ABHD17C: variants seen among roughly 807,000 people sequenced by gnomAD.
ABHD17C encodes abhydrolase domain containing 17C, depalmitoylase, also known as alpha/beta hydrolase domain-containing protein 17C.
Under a neutral mutation model 27.9 loss-of-function variants are expected in ABHD17C, and 11 were observed. The observed-to-expected ratio is 0.39, with a 90% CI of 0.25 to 0.65. ABHD17C has a LOEUF of 0.65. Ranked by LOEUF, ABHD17C falls within the 30% of genes least tolerant of loss-of-function variation. The pLI is 0.45. For synonymous variants in ABHD17C, 233 were observed against 209.1 expected (o/e 1.11, Z -0.98); for missense variants, 280 against 470.2 (o/e 0.60, Z 3.74).
At chr15:80,712,269 G>A (rs1282559920) in intron 1 of ABHD17C, among the ~76,000 whole-genome samples, 1 of 152,202 alleles carries the variant, frequency 6.6e-6, no homozygotes, top group Admixed American at 6.5e-5. Context: ...CACTGTAAGA[G>A]GTAGGATTTG....
chr15:80,722,424 C>T (rs535642791), intron 1 of ABHD17C, among the ~76,000 whole-genome samples: 3 of 150,692 alleles, frequency 2.0e-5, no homozygotes, highest in Non-Finnish European at 4.4e-5. Context: ...ATACAAAAAG[C>T]TGTAGATATT....
At chr15:80,707,904 A>G (rs1316873957) in intron 1 of ABHD17C, among the ~76,000 whole-genome samples, 3 of 152,232 alleles carry the variant, frequency 2.0e-5, no homozygotes, top group Non-Finnish European at 4.4e-5. Context: ...AACCCTAAAA[A>G]GGCTAAGAAG....
At chr15:80,715,801 A>G (rs1218480531) in intron 1 of ABHD17C, among the ~76,000 whole-genome samples, 1 of 152,188 alleles carries the variant, frequency 6.6e-6, no homozygotes, top group Non-Finnish European at 1.5e-5. Context: ...TCAGTTGCCC[A>G]GATTAACTTG....
intron 2 of ABHD17C, among the ~76,000 whole-genome samples, chr15:80,751,371 A>G (rs1895364416): frequency 6.6e-6 from 1 of 152,142 alleles, no homozygotes; most frequent in African/African-American, 2.4e-5. Context: ...AAAGGAAAAA[A>G]AAAAGATGTT....
chr15:80,749,669 A>C lies in ABHD17C; in HGVS notation c.747A>C (p.Thr249=), dbSNP rs748189199. 5.6e-6 allele frequency: 9 copies of C among 1,613,976 alleles called. No individual in the cohort carries two copies. The highest frequency in any genetic ancestry group is 7.6e-6 in the Non-Finnish European group (9 of 1,179,858). ...TGGCTTTTCCGGATACCAGGAAAAC[A>C]TACTGCTTTGATGCTTTCCCCAGGT... ...LRVAFPDTRK[T]YCFDAFPSID... is the part of the protein sequence containing the mutation. The change falls in exon 2 of 3, where the codon ACA becomes ACC. Residue 249 remains threonine, a synonymous_variant. Transcript: ENST00000258884.
intron 1 of ABHD17C, among the ~76,000 whole-genome samples, chr15:80,740,416 G>A (rs1300660806): frequency 6.6e-6 from 1 of 152,072 alleles, no homozygotes; most frequent in Non-Finnish European, 1.5e-5. Flanking sequence ...AGTAGTAGGA[G>A]AATACATCAA....
At chr15:80,722,577 C>A (rs541014929) in intron 1 of ABHD17C, among the ~76,000 whole-genome samples, 10 of 151,466 alleles carry the variant, frequency 6.6e-5, no homozygotes, top group African/African-American at 2.4e-4. Flanking sequence ...GGTAAGAGCA[C>A]TTTACATGAG....
rs190900537 is a variant in ABHD17C at position 80,745,782 on chromosome 15, A to G, written c.591-3731A>G. ...ACCGCCTGTACCCCCAAAACTATTG[A>G]AATAAAAATATGAATCTTAGTGTCC... On this transcript the variant is annotated intron_variant, in intron 1 of 2. Coordinates refer to ENST00000258884, the MANE Select transcript of ABHD17C (RefSeq NM_021214.2). Among the ~76,000 whole-genome samples, 344 of 152,310 alleles carry G rather than the reference A, an allele frequency of 2.3e-3. 4 individuals carry two copies. The highest frequency in any genetic ancestry group is 7.8e-3 in the African/African-American group (326 of 41,556).
chr15:80,735,230 T>C (rs1362534893), intron 1 of ABHD17C, among the ~76,000 whole-genome samples: 1 of 152,210 alleles, frequency 6.6e-6, no homozygotes, highest in Non-Finnish European at 1.5e-5. Flanking sequence ...CTTATTAGCA[T>C]GTTCCAAAGT....
At chr15:80,713,354 C>CTTTTTTTTT (rs67320992) in intron 1 of ABHD17C, among the ~76,000 whole-genome samples, 1,069 of 43,864 alleles carry the variant, frequency 0.024, 238 homozygotes, top group South Asian at 0.047. Context: ...AGGTCTTGTT[C>CTTTTTTTTT]TTTTTTTTTT....
At chr15:80,732,447 GTTTCC>G (rs1895069790) in intron 1 of ABHD17C, among the ~76,000 whole-genome samples, 1 of 152,122 alleles carries the variant, frequency 6.6e-6, no homozygotes, top group Non-Finnish European at 1.5e-5. Context: ...CAGAGCTTTA[GTTTCC>G]TTCTCTATGA....
rs147096890 is a variant in ABHD17C at position 80,725,186 on chromosome 15, C to T, written c.591-24327C>T. Among the ~76,000 whole-genome samples the T allele has an allele frequency of 5.9e-5, 9 of 152,290 alleles. No individual in the cohort carries two copies. The East Asian group carries it at 7.7e-4, about 13-fold the overall frequency. ...TCCAGTCTTACAGAGAATATAACAACGAATACAACCTCATGAACCAAAATT... is the reference window on the plus strand; with the variant it reads ...TCCAGTCTTACAGAGAATATAACAATGAATACAACCTCATGAACCAAAATT... On this transcript the variant is annotated intron_variant, in intron 1 of 2. Coordinates refer to ENST00000258884, the MANE Select transcript of ABHD17C (RefSeq NM_021214.2).
chr15:80,738,437 A>T (rs904758949), intron 1 of ABHD17C, among the ~76,000 whole-genome samples: 2 of 152,134 alleles, frequency 1.3e-5, no homozygotes, highest in African/African-American at 4.8e-5. Context: ...GATGTTCATC[A>T]TTGGGCAAAC....
At chr15:80,707,562 G>GC (rs35340795) in intron 1 of ABHD17C, among the ~76,000 whole-genome samples, 18,864 of 150,832 alleles carry the variant, frequency 0.13, 1,255 homozygotes, top group East Asian at 0.17. Flanking sequence ...TAGCTGATGA[G>GC]CCCCCCCTCA....
intron 1 of ABHD17C, among the ~76,000 whole-genome samples, chr15:80,709,227 G>C (rs575734734): frequency 6.6e-6 from 1 of 151,548 alleles, no homozygotes; most frequent in Non-Finnish European, 1.5e-5. Context: ...AGTGGCTCAC[G>C]CCTATAATCC....
At position 80,730,634 on chromosome 15, in the gene ABHD17C, A is replaced by G. The variant is rs1596068821; in HGVS notation, c.591-18879A>G. Among the ~76,000 whole-genome samples the G allele has an allele frequency of 2.0e-5, 3 of 152,366 alleles. 1 individual carries two copies. In the South Asian group the frequency reaches 6.2e-4, roughly 32 times the overall value. On this transcript the variant is annotated intron_variant, in intron 1 of 2. Transcript: ENST00000258884. ...GTCATTAGCATGACAGGATAAATGTAAGACACCAAGGTTGAGAATGTGGAT... is the reference window on the plus strand; with the variant it reads ...GTCATTAGCATGACAGGATAAATGTGAGACACCAAGGTTGAGAATGTGGAT...
At chr15:80,746,958 T>C (rs973267768) in intron 1 of ABHD17C, among the ~76,000 whole-genome samples, 1 of 152,234 alleles carries the variant, frequency 6.6e-6, no homozygotes, top group African/African-American at 2.4e-5. Context: ...TCAAAGAAGG[T>C]GAGGGCTAGT....
At chr15:80,716,199 T>C (rs999186824) in intron 1 of ABHD17C, among the ~76,000 whole-genome samples, 1 of 152,166 alleles carries the variant, frequency 6.6e-6, no homozygotes, top group African/African-American at 2.4e-5. Flanking sequence ...TCCAAGAGCA[T>C]GGCTTATTAT....
At chr15:80,713,939 C>CACAT (rs1555422319) in intron 1 of ABHD17C, among the ~76,000 whole-genome samples, 2 of 145,016 alleles carry the variant, frequency 1.4e-5, no homozygotes, top group African/African-American at 2.6e-5. Flanking sequence ...CACACACACA[C>CACAT]ATATATTTAT....
Sources: gnomAD v4.1 joint callset for allele counts (sites outside exome capture counted in the v4.1 genomes callset) on GRCh38, gnomAD v4.1.1 for gene constraint, MANE v1.5 for transcripts, NCBI Gene and HGNC (gene_info 2026-07-23, HGNC 2026-07-21) for gene names.